Variants in SGK3 observed in about 807,000 individuals in gnomAD.
The protein encoded by SGK3 is serum/glucocorticoid regulated kinase family member 3, also known as serine/threonine-protein kinase Sgk3.
In SGK3, 47 loss-of-function variants were observed where a neutral mutation model predicts 68.5. That is an observed-to-expected ratio of 0.69 (90% confidence interval 0.54 to 0.87). The LOEUF (loss-of-function observed/expected upper bound fraction) is 0.87, where lower values mean the gene tolerates loss of function less well. Among genes scored for constraint, SGK3 ranks in the 40% least tolerant of loss-of-function variants. The pLI is 0.00. For missense variants in SGK3, 479 were observed against 575.5 expected (o/e 0.83, Z 1.72); for synonymous variants, 181 against 189.1 (o/e 0.96, Z 0.35).
Position 66,744,517 on chromosome 8 carries a change from ATATTTTTT to A in SGK3, c.-122+31686_-122+31693del, listed in dbSNP as rs1158283312. 3.0e-4 allele frequency among the ~76,000 whole-genome samples: 5 copies of A among 16,828 alleles called. No individual in the cohort carries two copies. In the East Asian group the frequency reaches 9.4e-3, roughly 32 times the overall value. 11.0% of individuals were successfully genotyped at this position (16,828 alleles called of 152,430 possible). Reference sequence around the variant, plus strand: ...TATATATATATATATATATATATATATATTTTTTTTTTTTTTTTTTTTTTTTTTAGATG... The same window carrying A: ...TATATATATATATATATATATATATATTTTTTTTTTTTTTTTTTTTAGATG... On this transcript the variant is annotated intron_variant, in intron 1 of 16. Transcript: ENST00000521198.
At chr8:66,836,176 C>T (rs1809522751) in intron 10 of SGK3, 102 bp downstream of exon 10, 4 of 1,403,484 alleles carry the variant, frequency 2.9e-6, no homozygotes, top group Non-Finnish European at 3.8e-6. Context: ...AAATCAGTAG[C>T]TTTTTATAGC....
chr8:66,834,077 C>T (rs1206080888), intron 8 of SGK3, among the ~76,000 whole-genome samples: 1 of 152,124 alleles, frequency 6.6e-6, no homozygotes, highest in Admixed American at 6.5e-5. Flanking sequence ...TGGTTCTACT[C>T]CCTAGTTTAC....
At chr8:66,772,432 T>A in intron 1 of SGK3, among the ~76,000 whole-genome samples, 1 of 151,494 alleles carries the variant, frequency 6.6e-6, no homozygotes, top group Non-Finnish European at 1.5e-5. Context: ...TCTCTCTCTG[T>A]CACCCAGGCT....
chr8:66,739,380 AATTT>A (rs112309297), intron 1 of SGK3, among the ~76,000 whole-genome samples: 19,555 of 151,228 alleles, frequency 0.13, 2,399 homozygotes, highest in African/African-American at 0.32. Context: ...ATACCACACA[AATTT>A]ATTTATTTAT....
In SGK3 at chr8:66,802,518, T is replaced by C. The variant is rs374719091; in HGVS notation, c.181-1857T>C. Among the ~76,000 whole-genome samples, 6 of 152,146 alleles carry C rather than the reference T, an allele frequency of 3.9e-5. No individual in the cohort carries two copies. In the East Asian group the frequency reaches 5.8e-4, roughly 15 times the overall value. On this transcript the variant is annotated intron_variant, in intron 3 of 16. Transcript: ENST00000521198. ...AGCCCGGGCAATGACATAATGAGACTGTCTCTACAAAAAATAAGACAACTT... is the reference window on the plus strand; with the variant it reads ...AGCCCGGGCAATGACATAATGAGACCGTCTCTACAAAAAATAAGACAACTT...
At chr8:66,777,795 C>G (rs1314003565) in intron 1 of SGK3, among the ~76,000 whole-genome samples, 1 of 152,206 alleles carries the variant, frequency 6.6e-6, no homozygotes, top group East Asian at 1.9e-4. Context: ...TCTGTATCTC[C>G]TATAGATGAA....
rs542035114 is a variant in SGK3 at position 66,745,737 on chromosome 8, C to A, written c.-122+32904C>A. On this transcript the variant is annotated intron_variant, in intron 1 of 16. Coordinates refer to ENST00000521198, the MANE Select transcript of SGK3 (RefSeq NM_001033578.3). ...AATTTATTTCTCACAGTTCTGGAGG[C>A]TGGGAAGTCCAAGAACCATGTGCCA... 5.3e-5 allele frequency among the ~76,000 whole-genome samples: 8 copies of A among 152,258 alleles called. No homozygotes were observed. In the South Asian group the frequency reaches 1.2e-3, roughly 24 times the overall value.
At chr8:66,783,108 C>T (rs1199808144) in intron 1 of SGK3, among the ~76,000 whole-genome samples, 1 of 152,190 alleles carries the variant, frequency 6.6e-6, no homozygotes, top group Non-Finnish European at 1.5e-5. Flanking sequence ...AATGAGAGTT[C>T]CTGCTATTCC....
At chr8:66,829,732 G>C (rs77381804) in intron 7 of SGK3, among the ~76,000 whole-genome samples, 65 of 152,200 alleles carry the variant, frequency 4.3e-4, no homozygotes, top group African/African-American at 1.5e-3. Context: ...TAGAGACAAC[G>C]AGTTTACAAA....
chr8:66,832,946 G>T (rs1339972238), intron 8 of SGK3, among the ~76,000 whole-genome samples: 1 of 150,436 alleles, frequency 6.6e-6, no homozygotes, highest in Non-Finnish European at 1.5e-5. Flanking sequence ...CACCTGATCT[G>T]CAGGGCCACC....
chr8:66,755,313 T>G (rs1305759028), intron 1 of SGK3, among the ~76,000 whole-genome samples: 1 of 151,724 alleles, frequency 6.6e-6, no homozygotes, highest in Non-Finnish European at 1.5e-5. Flanking sequence ...GCTGTCAGTC[T>G]CTGCCTGTGA....
chr8:66,837,072 T>G (rs974634891), intron 10 of SGK3, among the ~76,000 whole-genome samples: 1 of 152,130 alleles, frequency 6.6e-6, no homozygotes, highest in African/African-American at 2.4e-5. Flanking sequence ...TACATATAAT[T>G]TTACCTTCAC....
At position 66,759,336 on chromosome 8, in the gene SGK3, C is replaced by T. The variant is rs146729570; in HGVS notation, c.-121-34280C>T. On this transcript the variant is annotated intron_variant, in intron 1 of 16. Transcript: ENST00000521198. ...CTGACCTCACGCGATCCGCCCACCT[C>T]GCCCTCCCAAAGTGCTGGGATTACA... Among the ~76,000 whole-genome samples, 632 of 152,110 alleles carry T rather than the reference C, an allele frequency of 4.2e-3. 4 individuals are homozygous for T. Among genetic ancestry groups the T allele is most frequent in the Non-Finnish European group, 6.8e-3 (462 of 67,978 alleles).
At chr8:66,853,306 AT>A (rs1326568198) in intron 16 of SGK3, among the ~76,000 whole-genome samples, 9 of 152,228 alleles carry the variant, frequency 5.9e-5, no homozygotes, top group Non-Finnish European at 1.2e-4. Context: ...CATATTAGGC[AT>A]TCAGTGTTGT....
At chr8:66,831,175 G>C (rs935031298) in intron 7 of SGK3, 79 bp from the exon 8 acceptor site, 4 of 1,524,330 alleles carry the variant, frequency 2.6e-6, no homozygotes, top group Non-Finnish European at 3.6e-6. Context: ...ATTTTTTAAA[G>C]AGGGAGGTGC....
At chr8:66,822,763 C>T (rs556725527) in intron 6 of SGK3, among the ~76,000 whole-genome samples, 33 of 152,144 alleles carry the variant, frequency 2.2e-4, no homozygotes, top group Non-Finnish European at 3.7e-4. Context: ...GGATTACAGG[C>T]GCCTGCCACC....
intron 1 of SGK3, among the ~76,000 whole-genome samples, chr8:66,781,280 G>A (rs961120498): frequency 3.3e-5 from 5 of 152,194 alleles, no homozygotes; most frequent in African/African-American, 4.8e-5. Context: ...GTCGGTTCTG[G>A]ACCAAGTGGA....
chr8:66,792,200 G>A (rs1200319910), intron 1 of SGK3, among the ~76,000 whole-genome samples: 2 of 151,966 alleles, frequency 1.3e-5, no homozygotes, highest in South Asian at 2.1e-4. Context: ...GTGGTGGCAC[G>A]TGCCCGTAAT....
At chr8:66,797,768 A>G (rs1807758874) in intron 2 of SGK3, among the ~76,000 whole-genome samples, 1 of 152,188 alleles carries the variant, frequency 6.6e-6, no homozygotes, top group Non-Finnish European at 1.5e-5. Context: ...TCCAGGTAGT[A>G]ATTACTGCTA....
Sources: gnomAD v4.1 joint callset for allele counts (sites outside exome capture counted in the v4.1 genomes callset) on GRCh38, gnomAD v4.1.1 for gene constraint, MANE v1.5 for transcripts, NCBI Gene and HGNC (gene_info 2026-07-23, HGNC 2026-07-21) for gene names.